SYN1: variants seen among roughly 807,000 people sequenced by gnomAD.
The protein encoded by SYN1 is synapsin-1.
SYN1 carries 8 observed loss-of-function variants against 44.6 expected under a neutral mutation model. That is an observed-to-expected ratio of 0.18 (90% CI 0.11 to 0.32). SYN1 has a LOEUF of 0.32. SYN1 is among the 10% of genes least tolerant of loss of function. The pLI, the probability that SYN1 is intolerant of heterozygous loss-of-function variation, is 1.00. For synonymous variants in SYN1, 275 were observed against 280.1 expected, an observed-to-expected ratio of 0.98 and a Z score of 0.18; for missense variants, 451 against 639.4, an observed-to-expected ratio of 0.71 and a Z score of 3.18.
At chrX:47,585,974 G>A in intron 5 of SYN1, 2 of 1,053,543 alleles carry the variant, frequency 1.9e-6, no homozygotes. Flanking sequence ...ATTGTTTCTT[G>A]GTTCCCCAGA....
intron 1 of SYN1, among the ~76,000 whole-genome samples, chrX:47,611,584 T>C (rs1164506715): frequency 8.9e-6 from 1 of 111,990 alleles, no homozygotes; most frequent in African/African-American, 3.2e-5. Context: ...ATGGTCTTGC[T>C]GTAGGGCTAT....
At chrX:47,592,513 C>T (rs2057851296) in intron 5 of SYN1, among the ~76,000 whole-genome samples, 1 of 110,994 alleles carries the variant, frequency 9.0e-6, no homozygotes, top group African/African-American at 3.3e-5. Flanking sequence ...ACTTTACTAT[C>T]AACTCATTTA....
intron 5 of SYN1, among the ~76,000 whole-genome samples, chrX:47,578,894 C>T (rs780931743): frequency 9.0e-6 from 1 of 111,612 alleles, no homozygotes; most frequent in Non-Finnish European, 1.9e-5. Flanking sequence ...TTCCTCATTT[C>T]CCAAATGACT....
chrX:47,598,261 A>G (rs1051447045), intron 5 of SYN1, among the ~76,000 whole-genome samples: 1 of 112,470 alleles, frequency 8.9e-6, no homozygotes, highest in Non-Finnish European at 1.9e-5. Flanking sequence ...TTGTTTGACA[A>G]TAATAGCACA....
intron 1 of SYN1, among the ~76,000 whole-genome samples, chrX:47,611,762 G>A (rs1239626971): frequency 9.0e-6 from 1 of 111,404 alleles, no homozygotes; most frequent in African/African-American, 3.3e-5. Context: ...CCACTACAGA[G>A]GGTGGAGGAT....
chrX:47,605,360 C>T lies in SYN1; in HGVS notation c.547G>A (p.Val183Met), dbSNP rs1291965183. The part of the protein sequence containing the change: ...KVVRSLKPDF[V>M]LIRQHAFSMA... ...CTGAAGGCGTGCTGGCGGATCAGCA[C>T]AAAATCCGGCTTCAGAGACCTAGTG... Residue 183 changes from valine to methionine, a missense_variant, in exon 4 of 13, where the codon GTG becomes ATG. Val to Met is a conservative substitution (Grantham distance 21). Around this residue, in one of 3 missense-constraint regions of SYN1, gnomAD observed 315 missense variants for 451.4 expected, o/e 0.70. Transcript: ENST00000295987. 1 of 1,211,263 alleles carries T rather than the reference C, an allele frequency of 8.3e-7. No homozygotes were observed. The highest frequency in any genetic ancestry group is 2.2e-5 in the Admixed American group (1 of 45,981).
At chrX:47,607,988 C>T (rs1237067474) in intron 1 of SYN1, among the ~76,000 whole-genome samples, 1 of 109,345 alleles carries the variant, frequency 9.1e-6, no homozygotes, top group Admixed American at 9.8e-5. Flanking sequence ...CAAAATGGTG[C>T]TATTACACTC....
chrX:47,592,635 C>T (rs184170682), intron 5 of SYN1, among the ~76,000 whole-genome samples: 215 of 111,144 alleles, frequency 1.9e-3, no homozygotes, highest in Non-Finnish European at 3.5e-3. Flanking sequence ...TCATTCTACC[C>T]GAGAACAAGG....
At chrX:47,612,519 C>G (rs1233699478) in intron 1 of SYN1, among the ~76,000 whole-genome samples, 1 of 111,205 alleles carries the variant, frequency 9.0e-6, no homozygotes, top group Non-Finnish European at 1.9e-5. Flanking sequence ...AGGGAAAGGT[C>G]TAAGCTTGGT....
rs369748341 is a variant in SYN1, at chrX:47,572,869, C to T, written c.2113G>A (p.Asp705Asn). 10 of 1,209,399 alleles carry T rather than the reference C, an allele frequency of 8.3e-6. No individual in the cohort carries two copies. Among genetic ancestry groups the T allele is most frequent in the African/African-American group, 1.8e-5 (1 of 56,950 alleles). Residue 705 changes from aspartate to asparagine, a missense_variant, in exon 13 of 13, where the codon GAC becomes AAC. Physicochemically the swap from Asp to Asn is conservative, Grantham distance 23. Transcript: ENST00000295987. Reference protein sequence around the residue: ...LRKSFASLFSD With the variant: ...LRKSFASLFSN ...GGGGTTCTCAGAGTGGGGTATCAGTCGGAGAAGAGGCTGGCGAAAGACTTC... is the reference window on the plus strand; with the variant it reads ...GGGGTTCTCAGAGTGGGGTATCAGTTGGAGAAGAGGCTGGCGAAAGACTTC...
chrX:47,580,762 G>A (rs111947105), intron 5 of SYN1, among the ~76,000 whole-genome samples: 8 of 109,314 alleles, frequency 7.3e-5, no homozygotes, highest in Non-Finnish European at 1.1e-4. Context: ...TGAAACCCCC[G>A]TCTCTACTAA....
chrX:47,591,973 A>G (rs906452287), intron 5 of SYN1, among the ~76,000 whole-genome samples: 5 of 111,963 alleles, frequency 4.5e-5, no homozygotes, highest in Non-Finnish European at 7.5e-5. Context: ...TGGATCTATA[A>G]CTGGACTTTT....
chrX:47,598,158 G>A (rs903904717), intron 5 of SYN1, among the ~76,000 whole-genome samples: 115 of 111,892 alleles, frequency 1.0e-3, no homozygotes, highest in African/African-American at 3.5e-3. Flanking sequence ...ATTTTTTTGC[G>A]TGTAACACTT....
chrX:47,585,143 G>A, intron 5 of SYN1: 2 of 1,163,207 alleles, frequency 1.7e-6, no homozygotes, highest in South Asian at 2.0e-5. Context: ...TGACTTCAGG[G>A]AAGAACCTGG....
At chrX:47,613,180 C>T (rs919699982) in intron 1 of SYN1, among the ~76,000 whole-genome samples, 4 of 105,534 alleles carry the variant, frequency 3.8e-5, no homozygotes, top group Admixed American at 2.0e-4. Context: ...ATCTTTGGAT[C>T]GTGTGTTAAC....
chrX:47,619,216 T>C, intron 1 of SYN1, 136 bp downstream of exon 1: 1 of 990,491 alleles, frequency 1.0e-6, no homozygotes, highest in Non-Finnish European at 1.4e-6. Context: ...AGCATCCAGC[T>C]TAATAATTTA....
intron 5 of SYN1, chrX:47,583,403 C>T (rs1569325110): frequency 8.4e-7 from 1 of 1,195,079 alleles, no homozygotes; most frequent in Admixed American, 2.2e-5. Context: ...CCCCCTTCCC[C>T]ACAGAACCCA....
chrX:47,605,988 G>A (rs1369887490), intron 3 of SYN1, among the ~76,000 whole-genome samples: 1 of 109,878 alleles, frequency 9.1e-6, no homozygotes, highest in Non-Finnish European at 1.9e-5. Flanking sequence ...CGCCTCTCGG[G>A]TTCAAGCGAT....
At chrX:47,613,736 C>T (rs11796924) in intron 1 of SYN1, among the ~76,000 whole-genome samples, 33,886 of 110,511 alleles carry the variant, frequency 0.31, 3,815 homozygotes, top group Admixed American at 0.34. Context: ...TGGTATTACA[C>T]ACCACGCCAC....
Sources: allele counts gnomAD v4.1 joint callset (sites outside exome capture counted in the v4.1 genomes callset), GRCh38; gene constraint gnomAD v4.1.1; regional missense constraint gnomAD v4.1.1; transcripts MANE v1.5; gene names NCBI Gene and HGNC (gene_info 2026-07-23, HGNC 2026-07-21).